Variants in KDM4C observed in about 807,000 individuals in gnomAD.
KDM4C encodes the protein lysine-specific demethylase 4C.
KDM4C carries 81 observed loss-of-function variants against 129.3 expected under a neutral mutation model. The observed-to-expected ratio is 0.63, with a 90% CI of 0.52 to 0.75. KDM4C has a LOEUF of 0.75. KDM4C is among the 30% of genes least tolerant of loss of function. The pLI is 0.00. For missense variants in KDM4C, 1,457 were observed against 1,304.0 expected (o/e 1.12, Z -1.81); for synonymous variants, 573 against 456.1 (o/e 1.26, Z -3.26).
intron 2 of KDM4C, 54 bp downstream of exon 2, chr9:6,793,186 T>C (rs1001938935): frequency 6.4e-5 from 101 of 1,571,580 alleles, no homozygotes; most frequent in South Asian, 9.2e-5. Flanking sequence ...CTTTAATTTA[T>C]GTTCTTAGTT....
rs753535302 is a variant in KDM4C, at chr9:6,758,584, T to G, written c.-18+381T>G. ...TGGCGGACTCCAGGAAGGCCGGGCC[T>G]GGTGCACCCCTCGGGGCCCTCCCTT... On this transcript the variant is annotated intron_variant, in intron 1 of 21. Coordinates refer to ENST00000381309, the MANE Select transcript of KDM4C (RefSeq NM_015061.6). This position sits in a 1 kb window ranked among gnomAD's most constrained non-coding sequence, Gnocchi z 4.6. Among the ~76,000 whole-genome samples, 19 of 152,226 alleles carry G rather than the reference T, an allele frequency of 1.2e-4. No homozygotes were observed. The South Asian group carries it at 2.9e-3, about 23-fold the overall frequency.
At chr9:7,118,861 A>T (rs1839199496) in intron 18 of KDM4C, among the ~76,000 whole-genome samples, 2 of 152,154 alleles carry the variant, frequency 1.3e-5, no homozygotes, top group African/African-American at 4.8e-5. Flanking sequence ...CTGCTAGATG[A>T]TGGGTGACCC....
chr9:6,865,527 C>T (rs563401946), intron 5 of KDM4C, among the ~76,000 whole-genome samples: 3 of 152,088 alleles, frequency 2.0e-5, no homozygotes, highest in South Asian at 4.1e-4. Context: ...TATGACTTTG[C>T]GTTATTGTAG....
intron 18 of KDM4C, among the ~76,000 whole-genome samples, chr9:7,110,117 C>T (rs1240837576): frequency 6.6e-6 from 1 of 152,212 alleles, no homozygotes; most frequent in Non-Finnish European, 1.5e-5. Context: ...ATCCACACTT[C>T]TAGACATCTT....
intron 1 of KDM4C, among the ~76,000 whole-genome samples, chr9:6,747,344 G>A (rs1177866772): frequency 6.6e-6 from 1 of 151,570 alleles, no homozygotes; most frequent in Non-Finnish European, 1.5e-5. Flanking sequence ...TCAGGAGATC[G>A]AGACCATCCT....
At chr9:6,913,974 G>A (rs546615219) in intron 8 of KDM4C, among the ~76,000 whole-genome samples, 1 of 152,186 alleles carries the variant, frequency 6.6e-6, no homozygotes, top group Non-Finnish European at 1.5e-5. Context: ...TGCACTTTCT[G>A]CGTTTCTTTT....
chr9:6,792,945 C>T (rs937934577), intron 1 of KDM4C, 27 bp from the exon 2 acceptor site: 13 of 1,610,914 alleles, frequency 8.1e-6, no homozygotes, highest in Admixed American at 6.7e-5. Context: ...TAATTCAGTT[C>T]TGTTGACCCT....
At chr9:7,102,656 C>T (rs1802475160) in intron 17 of KDM4C, among the ~76,000 whole-genome samples, 1 of 152,148 alleles carries the variant, frequency 6.6e-6, no homozygotes, top group Non-Finnish European at 1.5e-5. Flanking sequence ...TTGATTCTTG[C>T]ACGTCTCTGA....
chr9:7,111,095 T>A (rs1838267482), intron 18 of KDM4C, among the ~76,000 whole-genome samples: 1 of 152,182 alleles, frequency 6.6e-6, no homozygotes, highest in Non-Finnish European at 1.5e-5. Context: ...TTCACACAAG[T>A]GTGTCAAGCA....
intron 1 of KDM4C, among the ~76,000 whole-genome samples, chr9:6,773,286 C>G (rs1209279140): frequency 6.6e-6 from 1 of 152,110 alleles, no homozygotes; most frequent in Non-Finnish European, 1.5e-5. Context: ...ACAGGCTGTG[C>G]CCAGCCACAA....
rs758420170 is a variant in KDM4C at position 7,046,873 on chromosome 9, C to G, written c.2271C>G (p.Leu757=). 1.1e-5 allele frequency: 17 copies of G among 1,607,444 alleles called. No individual in the cohort carries two copies. The African/African-American group carries it at 1.5e-4, about 14-fold the overall frequency. ...KRNAWTAECC[L]CNLRGGALKQ... ...TCTTTTCCCCCCAGGAATGCTGTCT[C>G]TGCAATTTGAGAGGAGGTGCTCTTA... The change falls in exon 16 of 22, where the codon CTC becomes CTG. Residue 757 remains leucine, a synonymous_variant. Transcript: ENST00000381309.
intron 4 of KDM4C, among the ~76,000 whole-genome samples, chr9:6,830,275 G>T (rs1342732636): frequency 6.6e-6 from 1 of 152,190 alleles, no homozygotes; most frequent in African/African-American, 2.4e-5. Context: ...TGCCCACTCT[G>T]GATTTCCAGT....
intron 13 of KDM4C, 85 bp downstream of exon 13, chr9:7,011,964 G>A: frequency 8.6e-7 from 1 of 1,159,920 alleles, no homozygotes; most frequent in Middle Eastern, 3.0e-4. Flanking sequence ...AATTGTTGTG[G>A]GCTTCCTTTG....
intron 18 of KDM4C, among the ~76,000 whole-genome samples, chr9:7,111,115 G>GT (rs1017905942): frequency 9.9e-4 from 145 of 146,346 alleles, no homozygotes; most frequent in East Asian, 9.2e-3. Context: ...AAACATTTTT[G>GT]TTTTTTTTTT....
intron 1 of KDM4C, among the ~76,000 whole-genome samples, chr9:6,780,007 A>T (rs968750095): frequency 1.3e-5 from 2 of 152,176 alleles, no homozygotes; most frequent in Admixed American, 1.3e-4. Context: ...ACAGCTACTT[A>T]ATCTTACTGG....
intron 12 of KDM4C, among the ~76,000 whole-genome samples, chr9:6,997,540 C>G (rs751062600): frequency 6.6e-6 from 1 of 152,212 alleles, no homozygotes; most frequent in Non-Finnish European, 1.5e-5. Flanking sequence ...ATTTAAAATG[C>G]AACTTAGGCT....
chr9:7,083,515 A>G (rs1022993820), intron 17 of KDM4C, among the ~76,000 whole-genome samples: 6 of 152,154 alleles, frequency 3.9e-5, no homozygotes, highest in Non-Finnish European at 5.9e-5. Context: ...GGTATAGCCT[A>G]TTGCTCCTAG....
At chr9:6,951,143 A>C (rs1017004637) in intron 8 of KDM4C, among the ~76,000 whole-genome samples, 4 of 152,208 alleles carry the variant, frequency 2.6e-5, no homozygotes, top group East Asian at 1.9e-4. Flanking sequence ...TCACATACCC[A>C]TCATCTCAAA....
chr9:6,761,762 C>T (rs1020232005), intron 1 of KDM4C, among the ~76,000 whole-genome samples: 2 of 152,114 alleles, frequency 1.3e-5, no homozygotes, highest in African/African-American at 4.8e-5. Context: ...AATGTGTGTT[C>T]CCTTTTGTTA....
Sources: allele counts gnomAD v4.1 joint callset (sites outside exome capture counted in the v4.1 genomes callset), GRCh38; gene constraint gnomAD v4.1.1; non-coding constraint Gnocchi (gnomAD v3.1); transcripts MANE v1.5; gene names NCBI Gene and HGNC (gene_info 2026-07-23, HGNC 2026-07-21).